TMEM233: variants seen among roughly 807,000 people sequenced by gnomAD.
TMEM233 encodes the protein dispanin subfamily B member 2.
Under a neutral mutation model 11.2 loss-of-function variants are expected in TMEM233, and 6 were observed. The observed-to-expected ratio is 0.54, with a 90% confidence interval of 0.29 to 1.06. The LOEUF (loss-of-function observed/expected upper bound fraction) is 1.06, where lower values mean the gene tolerates loss of function less well. Among genes scored for constraint, TMEM233 ranks in the 50% least tolerant of loss-of-function variants. The pLI, the probability that TMEM233 is intolerant of heterozygous loss-of-function variation, is 0.08. For synonymous variants in TMEM233, 59 were observed against 55.8 expected (o/e 1.06, Z -0.26); for missense variants, 127 against 144.7 (o/e 0.88, Z 0.63).
chr12:119,634,402 GT>G, intron 2 of TMEM233: 2 of 310,022 alleles, frequency 6.5e-6, no homozygotes, highest in Non-Finnish European at 4.7e-6. Flanking sequence ...GAGGCCAGGA[GT>G]TTAGGACCAG....
intron 1 of TMEM233, among the ~76,000 whole-genome samples, chr12:119,605,294 CCTT>C (rs1296913937): frequency 6.6e-6 from 1 of 152,008 alleles, no homozygotes; most frequent in Non-Finnish European, 1.5e-5. Flanking sequence ...AAGCTCTCCT[CCTT>C]ATTTATCCTT....
At chr12:119,615,498 G>T (rs1270795734) in intron 1 of TMEM233, among the ~76,000 whole-genome samples, 7 of 152,192 alleles carry the variant, frequency 4.6e-5, no homozygotes, top group Non-Finnish European at 1.0e-4. Flanking sequence ...TGATTCAGTT[G>T]GTTTGGGAAG....
At chr12:119,649,305 A>G in the TMEM233 span, among the ~76,000 whole-genome samples, 2 of 152,224 alleles carry the variant, frequency 1.3e-5, no homozygotes, top group Non-Finnish European at 2.9e-5. Context: ...TCTCAAAAAA[A>G]CAGAAGAAAA....
downstream of TMEM233, among the ~76,000 whole-genome samples, chr12:119,646,260 T>A (rs1015343737): frequency 2.0e-5 from 3 of 152,156 alleles, no homozygotes; most frequent in Non-Finnish European, 4.4e-5. Flanking sequence ...AGTTTTGCCA[T>A]GTTGGCCGGG....
rs1237534212 is a variant in TMEM233 at position 119,620,161 on chromosome 12, G to A, written c.187-9575G>A. 2.0e-5 allele frequency among the ~76,000 whole-genome samples: 3 copies of A among 152,200 alleles called. No individual in the cohort carries two copies. In the East Asian group the frequency reaches 5.8e-4, roughly 29 times the overall value. On this transcript the variant is annotated intron_variant, in intron 1 of 2. Coordinates refer to ENST00000426426, the MANE Select transcript of TMEM233 (RefSeq NM_001136534.3). ...TGTGAGAAGATAACACTGGAGCTAAGATCTGAAGTGTGAAAAGATGGCTCA... is the reference window on the plus strand; with the variant it reads ...TGTGAGAAGATAACACTGGAGCTAAAATCTGAAGTGTGAAAAGATGGCTCA...
chr12:119,622,252 A>G (rs12580664), intron 1 of TMEM233, among the ~76,000 whole-genome samples: 3,795 of 152,272 alleles, frequency 0.025, 262 homozygotes, highest in East Asian at 0.25. Context: ...CTAGAATCAG[A>G]TGCACCAAAC....
At chr12:119,609,696 T>C (rs1448524435) in intron 1 of TMEM233, among the ~76,000 whole-genome samples, 1 of 152,164 alleles carries the variant, frequency 6.6e-6, no homozygotes, top group Non-Finnish European at 1.5e-5. Flanking sequence ...CCTTGGGGGC[T>C]CCCACATCGT....
In TMEM233 at chr12:119,617,150, C is replaced by T. The variant is rs1425255194; in HGVS notation, c.187-12586C>T. Among the ~76,000 whole-genome samples the T allele has an allele frequency of 2.6e-5, 4 of 152,230 alleles. No homozygotes were observed. In the East Asian group the frequency reaches 7.7e-4, roughly 29 times the overall value. On this transcript the variant is annotated intron_variant, in intron 1 of 2. Coordinates refer to ENST00000426426, the MANE Select transcript of TMEM233 (RefSeq NM_001136534.3). ...ACAGAGATTGGAACAGTTTGGAGGGCTCAGAAGAAGACAAGAAAATGTGGG... is the reference window on the plus strand; with the variant it reads ...ACAGAGATTGGAACAGTTTGGAGGGTTCAGAAGAAGACAAGAAAATGTGGG...
At chr12:119,626,986 A>G (rs11064855) in intron 1 of TMEM233, among the ~76,000 whole-genome samples, 57,922 of 152,196 alleles carry the variant, frequency 0.38, 12,737 homozygotes, top group East Asian at 0.56. Flanking sequence ...GCTGAGCCCA[A>G]TAACCCTTAA....
chr12:119,605,858 C>A (rs1317144357), intron 1 of TMEM233, among the ~76,000 whole-genome samples: 2 of 152,254 alleles, frequency 1.3e-5, no homozygotes, highest in Non-Finnish European at 1.5e-5. Context: ...TCCTCCCTAG[C>A]TTTTGGCTCT....
Position 119,594,170 on chromosome 12 carries a change from C to T in TMEM233, c.186+136C>T. The T allele has an allele frequency of 1.2e-6, 1 of 824,298 alleles. No homozygotes were observed. Among genetic ancestry groups the T allele is most frequent in the Non-Finnish European group, 1.9e-6 (1 of 531,826 alleles). 51.1% of individuals were successfully genotyped at this position (824,298 alleles called of 1,614,324 possible). On this transcript the variant is annotated intron_variant, in intron 1 of 2. Coordinates refer to ENST00000426426, the MANE Select transcript of TMEM233 (RefSeq NM_001136534.3). The surrounding 1 kb of genome is among the most constrained non-coding windows in gnomAD (Gnocchi z 5.6). Reference sequence around the variant, plus strand: ...GCGCTAGGTGTTCTTTGTCCTCGCACCTCCTCCTCACCTTTCTCGGGCTCT... The same window carrying T: ...GCGCTAGGTGTTCTTTGTCCTCGCATCTCCTCCTCACCTTTCTCGGGCTCT...
rs1385354603 is a variant in TMEM233 at position 119,594,672 on chromosome 12, C to A, written c.186+638C>A. 2.6e-5 allele frequency among the ~76,000 whole-genome samples: 4 copies of A among 152,142 alleles called. No homozygotes were observed. Among genetic ancestry groups the A allele is most frequent in the Non-Finnish European group, 5.9e-5 (4 of 68,002 alleles). ...GCACGCTCTGTCCAGGCAACAGTTT[C>A]CTCTCGCTTCTTCCTACACCCAACT... On this transcript the variant is annotated intron_variant, in intron 1 of 2. Transcript: ENST00000426426. The surrounding 1 kb of genome is among the most constrained non-coding windows in gnomAD (Gnocchi z 5.6).
intron 2 of TMEM233, among the ~76,000 whole-genome samples, chr12:119,638,361 G>T (rs1276277193): frequency 2.0e-5 from 3 of 152,148 alleles, no homozygotes; most frequent in Non-Finnish European, 1.5e-5. Flanking sequence ...TACTTGGGAG[G>T]CTCAGGTGTG....
chr12:119,597,946 C>T (rs934972675), intron 1 of TMEM233, among the ~76,000 whole-genome samples: 2 of 152,192 alleles, frequency 1.3e-5, no homozygotes, highest in African/African-American at 4.8e-5. Flanking sequence ...GCAGACACAG[C>T]CCTCCACCAG....
rs397724666 is a variant in TMEM233 at position 119,597,469 on chromosome 12, T to TAAA, written c.186+3444_186+3446dup. On this transcript the variant is annotated intron_variant, in intron 1 of 2. Coordinates refer to ENST00000426426, the MANE Select transcript of TMEM233 (RefSeq NM_001136534.3). ...TCAAAATAATTAGTTTCCAGAATGGTAAAAAAAAAAAGAGCCAACAATCTC... is the reference window on the plus strand; with the variant it reads ...TCAAAATAATTAGTTTCCAGAATGGTAAAAAAAAAAAAAAGAGCCAACAATCTC... Among the ~76,000 whole-genome samples the TAAA allele has an allele frequency of 9.6e-4, 141 of 146,374 alleles. 3 individuals are homozygous for TAAA. The South Asian group carries it at 0.01, about 10-fold the overall frequency.
chr12:119,608,157 A>T (rs1304951033), intron 1 of TMEM233, among the ~76,000 whole-genome samples: 2 of 152,126 alleles, frequency 1.3e-5, no homozygotes, highest in African/African-American at 4.8e-5. Context: ...CTGCAATGGT[A>T]AGAAGTAGCT....
downstream of TMEM233, among the ~76,000 whole-genome samples, chr12:119,645,320 C>CGAAAAAAA (rs764976226): frequency 4.0e-5 from 3 of 74,794 alleles, no homozygotes; most frequent in Non-Finnish European, 7.6e-5. Flanking sequence ...CACCAATTAC[C>CGAAAAAAA]AAAAAAAAAA....
At chr12:119,627,980 C>T (rs1954797841) in intron 1 of TMEM233, among the ~76,000 whole-genome samples, 1 of 123,180 alleles carries the variant, frequency 8.1e-6, no homozygotes, top group African/African-American at 2.5e-5. Context: ...TAACAACCTG[C>T]CCCTTAATTT....
At chr12:119,651,647 T>C in the TMEM233 span, among the ~76,000 whole-genome samples, 2 of 128,694 alleles carry the variant, frequency 1.6e-5, no homozygotes, top group Admixed American at 1.6e-4. Context: ...TGAAACCCCG[T>C]CTCTACTAAA....
Sources: allele counts gnomAD v4.1 joint callset (sites outside exome capture counted in the v4.1 genomes callset), GRCh38; gene constraint gnomAD v4.1.1; non-coding constraint Gnocchi (gnomAD v3.1); transcripts MANE v1.5; gene names NCBI Gene and HGNC (gene_info 2026-07-23, HGNC 2026-07-21).